The following STXBP4 variants were observed in gnomAD, a reference collection of about 807,000 sequenced individuals.
STXBP4 encodes syntaxin-binding protein 4.
Under a neutral mutation model 76.1 loss-of-function variants are expected in STXBP4, and 55 were observed. The ratio of observed to expected loss-of-function variants is 0.72; its 90% CI spans 0.58 to 0.91. STXBP4 has a LOEUF of 0.91. Ranked by LOEUF, STXBP4 falls within the 40% of genes least tolerant of loss-of-function variation. The pLI is 0.00. For synonymous variants in STXBP4, 201 were observed against 220.2 expected (o/e 0.91, Z 0.77); for missense variants, 618 against 636.9 (o/e 0.97, Z 0.32).
At chr17:54,997,524 T>G (rs1393130322) in intron 4 of STXBP4, among the ~76,000 whole-genome samples, 1 of 146,148 alleles carries the variant, frequency 6.8e-6, no homozygotes, top group African/African-American at 2.5e-5. Flanking sequence ...TTTTTTTAAA[T>G]TATATATATA....
At chr17:55,196,540 A>G in the STXBP4 span, among the ~76,000 whole-genome samples, 1 of 152,160 alleles carries the variant, frequency 6.6e-6, no homozygotes, top group Non-Finnish European at 1.5e-5. Context: ...CACCATAGAG[A>G]ATTGATCACG....
chr17:55,091,495 C>A (rs1290412366), intron 16 of STXBP4, among the ~76,000 whole-genome samples: 2 of 151,928 alleles, frequency 1.3e-5, no homozygotes, highest in Non-Finnish European at 2.9e-5. Flanking sequence ...CAGATATGGC[C>A]CCAGAAGTGG....
At chr17:54,988,783 A>G (rs750681746) in intron 3 of STXBP4, among the ~76,000 whole-genome samples, 1 of 152,104 alleles carries the variant, frequency 6.6e-6, no homozygotes, top group East Asian at 1.9e-4. Flanking sequence ...AAAAAGAAAA[A>G]AAAGAATGAA....
chr17:55,125,812 A>T (rs140127831), intron 16 of STXBP4, among the ~76,000 whole-genome samples: 315 of 152,268 alleles, frequency 2.1e-3, no homozygotes, highest in African/African-American at 7.0e-3. Flanking sequence ...GAGTGGTAAA[A>T]CTGATAACTT....
intron 1 of STXBP4, among the ~76,000 whole-genome samples, chr17:54,976,440 A>G (rs965648546): frequency 2.6e-5 from 4 of 152,224 alleles, no homozygotes; most frequent in Non-Finnish European, 5.9e-5. Context: ...TTACTTTCTC[A>G]GGAAACCAAC....
intron 8 of STXBP4, among the ~76,000 whole-genome samples, chr17:55,014,855 T>C (rs1487330392): frequency 6.6e-6 from 1 of 152,116 alleles, no homozygotes; most frequent in Non-Finnish European, 1.5e-5. Flanking sequence ...TTGCCCAGCT[T>C]TTCCCTTTTC....
intron 17 of STXBP4, among the ~76,000 whole-genome samples, chr17:55,158,624 A>G (rs933804560): frequency 6.6e-6 from 1 of 152,182 alleles, no homozygotes; most frequent in Admixed American, 6.5e-5. Context: ...TGATTTCGTG[A>G]TGTGTCACCA....
chr17:55,005,445 T>C (rs1391209302), intron 7 of STXBP4, among the ~76,000 whole-genome samples: 1 of 152,196 alleles, frequency 6.6e-6, no homozygotes, highest in East Asian at 1.9e-4. Context: ...ATTAATGAGC[T>C]TATATAGGTA....
intron 17 of STXBP4, among the ~76,000 whole-genome samples, chr17:55,150,614 A>G (rs966453885): frequency 1.3e-5 from 2 of 152,170 alleles, no homozygotes; most frequent in African/African-American, 4.8e-5. Context: ...GATTATATTC[A>G]TTATAGTGTC....
the STXBP4 span, among the ~76,000 whole-genome samples, chr17:55,211,756 AC>A: frequency 6.8e-6 from 1 of 147,948 alleles, no homozygotes; most frequent in African/African-American, 2.5e-5. Flanking sequence ...ATCATGCTGA[AC>A]CTACAAATTA....
chr17:55,174,348 A>G (rs1339180827), downstream of STXBP4, among the ~76,000 whole-genome samples: 3 of 152,134 alleles, frequency 2.0e-5, no homozygotes, highest in Non-Finnish European at 4.4e-5. Context: ...CCTTGTCAAC[A>G]CTTGGTACTG....
chr17:54,977,978 C>T (rs1203002514), intron 1 of STXBP4, among the ~76,000 whole-genome samples: 1 of 152,126 alleles, frequency 6.6e-6, no homozygotes, highest in African/African-American at 2.4e-5. Flanking sequence ...TTTGAAATGA[C>T]CTTAATGTGA....
rs1038214383 is a variant in STXBP4 at position 55,173,402 on chromosome 17, T to G, written c.*13491T>G. On this transcript the variant is annotated 3_prime_UTR_variant, in exon 18 of 18. Transcript: ENST00000376352. ...CTGTAGTTTTGCCTTTTCGAGAATA[T>G]CATATAAATAATCATGTATTATGTA... is the stretch of plus-strand genomic sequence containing the variant. 6.6e-6 allele frequency: 1 copy of G among 152,220 alleles called. No homozygotes were observed. Among genetic ancestry groups the G allele is most frequent in the Non-Finnish European group, 1.5e-5 (1 of 68,042 alleles). 9.4% of individuals were successfully genotyped at this position (152,220 alleles called of 1,614,324 possible).
chr17:55,151,176 T>C (rs1272590735), intron 17 of STXBP4, among the ~76,000 whole-genome samples: 1 of 152,192 alleles, frequency 6.6e-6, no homozygotes, highest in Non-Finnish European at 1.5e-5. Context: ...TGTGTTGTTT[T>C]AGGCCATTAA....
the STXBP4 span, among the ~76,000 whole-genome samples, chr17:55,183,190 G>A: frequency 5.3e-5 from 8 of 152,146 alleles, no homozygotes; most frequent in Non-Finnish European, 7.3e-5. Context: ...AAACTACCAA[G>A]CAGCATTAGC....
chr17:54,970,783 G>A (rs2077388047), intron 1 of STXBP4, among the ~76,000 whole-genome samples: 1 of 152,130 alleles, frequency 6.6e-6, no homozygotes, highest in Non-Finnish European at 1.5e-5. Context: ...TACAGTCTTT[G>A]TCTTGGACTC....
At chr17:55,025,845 A>C (rs1174923865) in intron 8 of STXBP4, among the ~76,000 whole-genome samples, 1 of 152,216 alleles carries the variant, frequency 6.6e-6, no homozygotes, top group Non-Finnish European at 1.5e-5. Context: ...AATTAAAACT[A>C]TCTCTATTCC....
intron 17 of STXBP4, among the ~76,000 whole-genome samples, chr17:55,144,711 A>G (rs2080133081): frequency 6.6e-6 from 1 of 152,260 alleles, no homozygotes; most frequent in African/African-American, 2.4e-5. Context: ...ATGTAAGTCA[A>G]GTATGATACA....
the STXBP4 span, among the ~76,000 whole-genome samples, chr17:55,198,715 G>C: frequency 6.6e-6 from 1 of 152,138 alleles, no homozygotes; most frequent in African/African-American, 2.4e-5. Flanking sequence ...AGAAATATCA[G>C]CACCCTTTTC....
Sources: allele counts gnomAD v4.1 joint callset (sites outside exome capture counted in the v4.1 genomes callset), GRCh38; gene constraint gnomAD v4.1.1; transcripts MANE v1.5; gene names NCBI Gene and HGNC (gene_info 2026-07-23, HGNC 2026-07-21).